Variants in FOCAD observed in about 807,000 individuals in gnomAD.
FOCAD encodes the protein focadhesin.
Under a neutral mutation model 225.6 loss-of-function variants are expected in FOCAD, and 198 were observed. That is an observed-to-expected ratio of 0.88 (90% CI 0.78 to 0.99). The LOEUF (loss-of-function observed/expected upper bound fraction) is 0.99. Ranked by LOEUF, FOCAD falls within the 50% of genes least tolerant of loss-of-function variation. The pLI is 0.00. For synonymous variants in FOCAD, 897 were observed against 755.0 expected (o/e 1.19, Z -3.08); for missense variants, 2,713 against 2,123.6 (o/e 1.28, Z -5.46).
At chr9:20,867,635 C>T (rs1252248479) in intron 18 of FOCAD, among the ~76,000 whole-genome samples, 1 of 151,938 alleles carries the variant, frequency 6.6e-6, no homozygotes, top group Non-Finnish European at 1.5e-5. Context: ...TTATAATCAG[C>T]TTTAAATTAG....
intron 4 of FOCAD, among the ~76,000 whole-genome samples, chr9:20,733,432 T>C (rs544763401): frequency 6.6e-6 from 1 of 152,286 alleles, no homozygotes; most frequent in South Asian, 2.1e-4. Flanking sequence ...TGTACACATG[T>C]GCCATGCTGG....
chr9:20,820,482 A>G (rs1824203032), intron 13 of FOCAD, 57 bp downstream of exon 13: 1 of 1,405,408 alleles, frequency 7.1e-7, no homozygotes, highest in Non-Finnish European at 1.0e-6. Flanking sequence ...ACTGAAGGAA[A>G]ATAATTATGT....
chr9:20,827,516 G>GTGTA (rs1266299451), intron 15 of FOCAD, among the ~76,000 whole-genome samples: 3 of 151,798 alleles, frequency 2.0e-5, no homozygotes, highest in Admixed American at 1.3e-4. Flanking sequence ...GTGTGTTTGT[G>GTGTA]TGTATGTATG....
intron 11 of FOCAD, among the ~76,000 whole-genome samples, chr9:20,791,638 A>G (rs1458317833): frequency 6.6e-6 from 1 of 152,200 alleles, no homozygotes; most frequent in Non-Finnish European, 1.5e-5. Context: ...TCAAAATTCA[A>G]AAGGAAGAGA....
At chr9:20,836,129 G>T (rs1825975602) in intron 15 of FOCAD, among the ~76,000 whole-genome samples, 1 of 152,102 alleles carries the variant, frequency 6.6e-6, no homozygotes, top group South Asian at 2.1e-4. Context: ...GCACTATGGG[G>T]TGGGAATGAT....
chr9:20,894,317 A>T (rs530927785), intron 21 of FOCAD, among the ~76,000 whole-genome samples: 1 of 152,196 alleles, frequency 6.6e-6, no homozygotes. Context: ...TTTAGCAAAT[A>T]TGTATAAAAC....
intron 2 of FOCAD, among the ~76,000 whole-genome samples, chr9:20,674,553 C>T (rs1822173705): frequency 6.6e-6 from 1 of 152,120 alleles, no homozygotes; most frequent in Non-Finnish European, 1.5e-5. Flanking sequence ...TTTTAAGACC[C>T]CTAGCAACCC....
chr9:20,916,756 C>T (rs1833898346), intron 23 of FOCAD, 137 bp from the exon 24 acceptor site: 4 of 750,094 alleles, frequency 5.3e-6, no homozygotes, highest in Middle Eastern at 3.4e-4. Context: ...AGTTCTTTCA[C>T]CTTATACTGA....
At chr9:20,939,399 T>G (rs1307609464) in intron 28 of FOCAD, among the ~76,000 whole-genome samples, 1 of 152,114 alleles carries the variant, frequency 6.6e-6, no homozygotes, top group Non-Finnish European at 1.5e-5. Flanking sequence ...CCCAAAGATG[T>G]TCATTGTAGC....
chr9:20,858,621 TTTG>T (rs1231522197), intron 15 of FOCAD, among the ~76,000 whole-genome samples: 3 of 152,136 alleles, frequency 2.0e-5, no homozygotes, highest in Non-Finnish European at 4.4e-5. Context: ...CTTTATTTCT[TTTG>T]TTCTACTAAT....
intron 15 of FOCAD, among the ~76,000 whole-genome samples, chr9:20,847,475 T>TG (rs1406653027): frequency 6.9e-6 from 1 of 144,826 alleles, no homozygotes; most frequent in South Asian, 2.1e-4. Flanking sequence ...TGCTCAGATT[T>TG]TTTTTTTTTT....
intron 5 of FOCAD, among the ~76,000 whole-genome samples, chr9:20,750,705 C>T (rs1406499551): frequency 6.6e-6 from 1 of 152,086 alleles, no homozygotes. Flanking sequence ...TTTCTGTGGG[C>T]TCTTCCTGGA....
intron 24 of FOCAD, 62 bp from the exon 25 acceptor site, chr9:20,923,598 C>T: frequency 2.3e-6 from 3 of 1,290,148 alleles, no homozygotes; most frequent in Non-Finnish European, 3.3e-6. Context: ...CCTATATTAG[C>T]TCTTTCTCTT....
chr9:20,770,589 A>C (rs375930818), intron 8 of FOCAD, among the ~76,000 whole-genome samples: 1 of 152,320 alleles, frequency 6.6e-6, no homozygotes, highest in East Asian at 1.9e-4. Flanking sequence ...AGTCATCTGC[A>C]CCAGACCCCA....
In FOCAD at chr9:20,990,265, T is replaced by C. The variant is rs375307034; in HGVS notation, c.5147T>C (p.Leu1716Pro). The change falls in exon 42 of 44, where the codon CTT becomes CCT. Residue 1716 changes from leucine to proline, a missense_variant. Coordinates refer to ENST00000338382, the MANE Select transcript of FOCAD (RefSeq NM_001375567.1). The part of the protein sequence containing the change: ...NGPAGPVPSF[L>P]GRSPMHRVTL... ...CCGGCTGGGCCAGTACCAAGCTTCC[T>C]TGGCAGGAGTCCAATGCACAGGGTC... 60 of 1,614,184 alleles carry C rather than the reference T, an allele frequency of 3.7e-5. No individual in the cohort carries two copies. The Middle Eastern group carries it at 5.0e-4, about 13-fold the overall frequency.
In FOCAD at chr9:20,820,396, C is replaced by T. The variant is rs368864225; in HGVS notation, c.1633C>T (p.Arg545Cys). The T allele has an allele frequency of 4.3e-6, 7 of 1,612,608 alleles. No individual in the cohort carries two copies. The highest frequency in any genetic ancestry group is 1.3e-5 in the African/African-American group (1 of 74,792). Residue 545 changes from arginine (R) to cysteine (C), a missense_variant, in exon 13 of 44, where the codon CGC (arginine) becomes TGC (cysteine). Transcript: ENST00000338382. ...ACCACGACTAAGAGCTGTCACTTTG[C>T]GCTTGCTGACATCTTTGTGGGAAAA... ...TTPRLRAVTLRLLTSLWEKQD... is the reference protein window; with the variant it reads ...TTPRLRAVTLCLLTSLWEKQD...
rs557335933 is a variant in FOCAD at position 20,862,470 on chromosome 9, C to G, written c.1921-108C>G. The G allele has an allele frequency of 3.2e-6, 4 of 1,261,578 alleles. No individual in the cohort carries two copies. In the African/African-American group the frequency reaches 6.1e-5, roughly 19 times the overall value. 78.1% of individuals were successfully genotyped at this position (1,261,578 alleles called of 1,614,324 possible). A position where few individuals can be genotyped will look rare whatever the true frequency, so the allele number is the denominator to read the frequency against. On this transcript the variant is annotated intron_variant, in intron 15 of 43. Transcript: ENST00000338382. ...TTAAGTCCTATCTTCTAGGCATAGTCTTATTTGTTTCTTAAGTTTCCTTAT... is the reference window on the plus strand; with the variant it reads ...TTAAGTCCTATCTTCTAGGCATAGTGTTATTTGTTTCTTAAGTTTCCTTAT...
chr9:20,773,810 G>A (rs770406448), intron 8 of FOCAD, among the ~76,000 whole-genome samples: 3 of 152,088 alleles, frequency 2.0e-5, no homozygotes, highest in Non-Finnish European at 4.4e-5. Context: ...CCTGGCTTGT[G>A]TGAGCTGGAG....
intron 11 of FOCAD, among the ~76,000 whole-genome samples, chr9:20,813,476 GT>G (rs1823309114): frequency 6.6e-6 from 1 of 152,106 alleles, no homozygotes; most frequent in African/African-American, 2.4e-5. Context: ...CCCACCAACA[GT>G]GCACAGATGT....
Sources: allele counts gnomAD v4.1 joint callset (sites outside exome capture counted in the v4.1 genomes callset), GRCh38; gene constraint gnomAD v4.1.1; transcripts MANE v1.5; gene names NCBI Gene and HGNC (gene_info 2026-07-23, HGNC 2026-07-21).